ZNF350: variants seen among roughly 807,000 people sequenced by gnomAD.
The protein encoded by ZNF350 is zinc finger protein 350, also known as KRAB zinc finger protein ZFQR.
ZNF350 carries 5 observed loss-of-function variants against 13.1 expected under a neutral mutation model. That is an observed-to-expected ratio of 0.38 (90% CI 0.20 to 0.80). ZNF350 has a LOEUF of 0.80. Ranked by LOEUF, ZNF350 falls within the 30% of genes least tolerant of loss-of-function variation. ZNF350 has a pLI of 0.43. For missense variants in ZNF350, 534 were observed against 644.2 expected (o/e 0.83, Z 1.85); for synonymous variants, 199 against 224.2 (o/e 0.89, Z 1.00).
At chr19:51,966,262 A>C in intron 4 of ZNF350, 48 bp from the exon 5 acceptor site, 1 of 1,504,612 alleles carries the variant, frequency 6.6e-7, no homozygotes. Flanking sequence ...TTGGGGTAAA[A>C]GTTTGTTGTG....
At chr19:51,980,109 T>G (rs1345828900) in intron 1 of ZNF350, among the ~76,000 whole-genome samples, 1 of 152,246 alleles carries the variant, frequency 6.6e-6, no homozygotes, top group Non-Finnish European at 1.5e-5. Context: ...TTTTTAATCC[T>G]TATGCCTTTT....
intron 2 of ZNF350, chr19:51,973,713 C>T (rs887938672): frequency 5.9e-5 from 9 of 152,228 alleles, no homozygotes. Context: ...ATTTGAAAGT[C>T]CTGGAATCCT....
chr19:51,968,582 A>G lies in ZNF350; in HGVS notation c.234T>C (p.Cys78=). 6.2e-7 allele frequency: 1 copy of G among 1,614,024 alleles called. No individual in the cohort carries two copies. The highest frequency in any genetic ancestry group is 1.1e-5 in the South Asian group (1 of 91,062). The part of the protein sequence containing the change: ...TIEDGIHSGA[C]SDIWKVDHVL... Reference sequence around the variant, plus strand: ...CTGTCTTGTGGGTTCTCTCACCTGAACAGGCTCCACTGTGGATTCCATCTT... The same window carrying G: ...CTGTCTTGTGGGTTCTCTCACCTGAGCAGGCTCCACTGTGGATTCCATCTT... The change falls in exon 4 of 5, where the codon TGT becomes TGC. Residue 78 remains cysteine, a synonymous_variant. Coordinates refer to ENST00000243644, the MANE Select transcript of ZNF350 (RefSeq NM_021632.4).
At chr19:51,966,835 C>T (rs952271777) in intron 4 of ZNF350, among the ~76,000 whole-genome samples, 5 of 151,798 alleles carry the variant, frequency 3.3e-5, no homozygotes, top group East Asian at 1.9e-4. Context: ...TTAGTAGAGA[C>T]GGCGTTTCAC....
In ZNF350 at chr19:51,965,073, C is replaced by T. The variant is rs146297522; in HGVS notation, c.1380G>A (p.Ala460=). The T allele has an allele frequency of 1.3e-4, 203 of 1,614,004 alleles. No homozygotes were observed. Among genetic ancestry groups the T allele is most frequent in the Admixed American group, 5.3e-4 (32 of 59,994 alleles). ...VMQEKNSANG[A]TTQVPSVAPQ... is the part of the protein sequence containing the mutation. Reference sequence around the variant, plus strand: ...GGGCCACAGAAGGCACTTGTGTAGTCGCCCCGTTAGCAGAGTTTTTCTCCT... The same window carrying T: ...GGGCCACAGAAGGCACTTGTGTAGTTGCCCCGTTAGCAGAGTTTTTCTCCT... The change falls in exon 5 of 5, where the codon GCG becomes GCA. Residue 460 remains alanine (A), a synonymous_variant. Transcript: ENST00000243644.
chr19:51,979,822 C>T (rs989332091), intron 1 of ZNF350, among the ~76,000 whole-genome samples: 3 of 152,184 alleles, frequency 2.0e-5, no homozygotes, highest in African/African-American at 4.8e-5. Flanking sequence ...CTGGCATTGG[C>T]GGCAAGCTTT....
At chr19:51,986,031 A>T (rs1283664290) in intron 1 of ZNF350, among the ~76,000 whole-genome samples, 2 of 152,062 alleles carry the variant, frequency 1.3e-5, no homozygotes, top group African/African-American at 2.4e-5. Context: ...AATAAATAAA[A>T]AATAAAAGAA....
chr19:51,981,829 C>A (rs2086053371), intron 1 of ZNF350: 1 of 151,978 alleles, frequency 6.6e-6, no homozygotes, highest in Non-Finnish European at 1.5e-5. Context: ...AAAAATAGAA[C>A]CAAAAACAAG....
At chr19:51,970,824 C>G (rs1468783350) in intron 2 of ZNF350, among the ~76,000 whole-genome samples, 2 of 152,134 alleles carry the variant, frequency 1.3e-5, no homozygotes, top group African/African-American at 4.8e-5. Context: ...CTAAATTACA[C>G]CAGATACAAA....
intron 1 of ZNF350, chr19:51,984,228 C>A (rs1466333236): frequency 1.4e-5 from 2 of 147,844 alleles, no homozygotes; most frequent in Non-Finnish European, 3.0e-5. Context: ...GGGATGGGGA[C>A]AGAAAGTTAA....
intron 3 of ZNF350, 48 bp from the exon 4 acceptor site, chr19:51,968,721 G>T (rs775536624): frequency 8.9e-6 from 14 of 1,565,394 alleles, no homozygotes; most frequent in Non-Finnish European, 1.2e-5. Context: ...AATTGGGCTG[G>T]CAATGTCAAG....
intron 4 of ZNF350, 60 bp from the exon 5 acceptor site, chr19:51,966,274 T>C (rs2122867361): frequency 2.1e-6 from 3 of 1,437,840 alleles, no homozygotes. Flanking sequence ...TTTGTTGTGG[T>C]TTTTTTGTTT....
intron 1 of ZNF350, among the ~76,000 whole-genome samples, chr19:51,977,644 C>T (rs1055531657): frequency 6.6e-6 from 1 of 152,206 alleles, no homozygotes; most frequent in East Asian, 1.9e-4. Context: ...TTGCAGGAAC[C>T]CTATGCACAA....
chr19:51,975,450 A>AC (rs1321807376), intron 1 of ZNF350, among the ~76,000 whole-genome samples: 3 of 151,520 alleles, frequency 2.0e-5, no homozygotes, highest in Non-Finnish European at 4.4e-5. Flanking sequence ...AAAAAAAAAA[A>AC]AACTAGTAAT....
At position 51,974,338 on chromosome 19, in the gene ZNF350, T is replaced by C. The variant is rs889102977; in HGVS notation, c.15+8A>G. ...AGGAAAGAATAAAACAAACCAAAAG[T>C]CAGTTACCTGGGCCTGGATCATTTT... On this transcript the variant is annotated splice_region_variant and intron_variant, in intron 2 of 4. Coordinates refer to ENST00000243644, the MANE Select transcript of ZNF350 (RefSeq NM_021632.4). 2 of 1,613,810 alleles carry C rather than the reference T, an allele frequency of 1.2e-6. No homozygotes were observed. Among genetic ancestry groups the C allele is most frequent in the Non-Finnish European group, 1.7e-6 (2 of 1,179,850 alleles).
chr19:51,977,364 G>A (rs8104626), intron 1 of ZNF350, among the ~76,000 whole-genome samples: 24,943 of 152,140 alleles, frequency 0.16, 2,687 homozygotes, highest in African/African-American at 0.3. Flanking sequence ...GACACTTGGC[G>A]CGAACTTGCT....
At chr19:51,967,411 A>T (rs902035165) in intron 4 of ZNF350, 5 of 152,224 alleles carry the variant, frequency 3.3e-5, no homozygotes, top group East Asian at 1.9e-4. Context: ...CTTAAAAAAA[A>T]AATAAATTAA....
At chr19:51,982,763 C>T (rs2086074729) in intron 1 of ZNF350, among the ~76,000 whole-genome samples, 1 of 151,892 alleles carries the variant, frequency 6.6e-6, no homozygotes, top group African/African-American at 2.4e-5. Flanking sequence ...ATTAGGACAG[C>T]ACAATATTAG....
At chr19:51,972,223 AGGCAG>A (rs2085757220) in intron 2 of ZNF350, among the ~76,000 whole-genome samples, 1 of 150,218 alleles carries the variant, frequency 6.7e-6, no homozygotes, top group Admixed American at 6.6e-5. Flanking sequence ...GCACTTTGGG[AGGCAG>A]GAGGATTGCT....
Sources: allele counts gnomAD v4.1 joint callset (sites outside exome capture counted in the v4.1 genomes callset), GRCh38; gene constraint gnomAD v4.1.1; transcripts MANE v1.5; gene names NCBI Gene and HGNC (gene_info 2026-07-23, HGNC 2026-07-21).